Variants in KALRN observed in about 807,000 individuals in gnomAD.
KALRN encodes the protein kalirin RhoGEF kinase.
Under a neutral mutation model 353.7 loss-of-function variants are expected in KALRN, and 70 were observed. The ratio of observed to expected loss-of-function variants is 0.20; its 90% CI spans 0.16 to 0.24. KALRN has a LOEUF of 0.24. KALRN is among the 10% of genes least tolerant of loss of function. The pLI, the probability that KALRN is intolerant of heterozygous loss-of-function variation, is 1.00. For missense variants in KALRN, 2,791 were observed against 3,756.7 expected (o/e 0.74, Z 6.72); for synonymous variants, 1,391 against 1,434.8 (o/e 0.97, Z 0.69).
At chr3:124,336,856 A>AT (rs1176801690) in intron 9 of KALRN, among the ~76,000 whole-genome samples, 1 of 152,128 alleles carries the variant, frequency 6.6e-6, no homozygotes, top group Non-Finnish European at 1.5e-5. Flanking sequence ...GGTCCTTCAC[A>AT]TCCCTTGTAG....
chr3:124,194,399 A>G (rs1215717731), intron 1 of KALRN, among the ~76,000 whole-genome samples: 1 of 151,864 alleles, frequency 6.6e-6, no homozygotes, highest in African/African-American at 2.4e-5. Context: ...TGGCTCTGTC[A>G]TCTTTACTAG....
chr3:124,185,859 C>T (rs377226700), intron 1 of KALRN, among the ~76,000 whole-genome samples: 17 of 152,302 alleles, frequency 1.1e-4, no homozygotes, highest in African/African-American at 4.1e-4. Context: ...GTCAAGGCCA[C>T]TGGTATACTT....
chr3:124,316,297 C>G (rs1003793648), intron 6 of KALRN, among the ~76,000 whole-genome samples: 6 of 152,176 alleles, frequency 3.9e-5, no homozygotes, highest in African/African-American at 1.4e-4. Flanking sequence ...CCCCAGCAGT[C>G]CATTCTCGAC....
At chr3:124,146,874 C>CAAAAAAAAAAAA (rs34633708) in intron 1 of KALRN, among the ~76,000 whole-genome samples, 11 of 49,908 alleles carry the variant, frequency 2.2e-4, no homozygotes, top group African/African-American at 7.1e-4. Context: ...GACTCTGTCT[C>CAAAAAAAAAAAA]AAAAAAAAAA....
intron 14 of KALRN, among the ~76,000 whole-genome samples, chr3:124,417,074 ATAGAG>A (rs1161467967): frequency 4.6e-5 from 7 of 152,230 alleles, no homozygotes; most frequent in Admixed American, 2.6e-4. Flanking sequence ...AGGCTCAGGA[ATAGAG>A]TAAACAGGAG....
intron 45 of KALRN, among the ~76,000 whole-genome samples, chr3:124,664,708 C>A (rs1488578301): frequency 6.6e-6 from 1 of 152,172 alleles, no homozygotes; most frequent in Non-Finnish European, 1.5e-5. Flanking sequence ...TGCACCCAGC[C>A]CAGAATCAAG....
At chr3:124,634,467 G>A (rs961890537) in intron 36 of KALRN, among the ~76,000 whole-genome samples, 45 of 152,236 alleles carry the variant, frequency 3.0e-4, no homozygotes, top group African/African-American at 8.0e-4. Context: ...CTTAATATGC[G>A]AAATTGCCTG....
intron 17 of KALRN, among the ~76,000 whole-genome samples, chr3:124,434,993 C>T (rs993468954): frequency 3.3e-5 from 5 of 152,212 alleles, no homozygotes; most frequent in African/African-American, 1.2e-4. Flanking sequence ...CTCTTGTCCT[C>T]CTTGACCTGA....
At chr3:124,512,079 A>G (rs1247098623) in intron 33 of KALRN, among the ~76,000 whole-genome samples, 2 of 152,216 alleles carry the variant, frequency 1.3e-5, no homozygotes, top group African/African-American at 4.8e-5. Context: ...TTTTATGTAT[A>G]TATCTCTGGT....
intron 6 of KALRN, among the ~76,000 whole-genome samples, chr3:124,310,453 G>A (rs933966715): frequency 2.6e-5 from 4 of 152,086 alleles, no homozygotes; most frequent in Admixed American, 6.6e-5. Flanking sequence ...ATGCAGAATA[G>A]CCAAAATAAT....
At chr3:124,575,922 T>TAACATCC (rs1479075493) in intron 34 of KALRN, among the ~76,000 whole-genome samples, 1 of 152,126 alleles carries the variant, frequency 6.6e-6, no homozygotes, top group Non-Finnish European at 1.5e-5. Context: ...TATTTATAGG[T>TAACATCC]TCTGGAGAGG....
chr3:124,164,075 T>G (rs2070431366), intron 1 of KALRN: 1 of 673,468 alleles, frequency 1.5e-6, no homozygotes, highest in Non-Finnish European at 1.8e-6. Context: ...TGCATCCAGA[T>G]TGGACAGTGA....
intron 1 of KALRN, among the ~76,000 whole-genome samples, chr3:124,075,659 C>T (rs2060224570): frequency 6.6e-6 from 1 of 152,148 alleles, no homozygotes; most frequent in Admixed American, 6.5e-5. Flanking sequence ...GGCTTCACCC[C>T]ATCTATCCTG....
At chr3:124,646,993 T>C (rs1284249225) in intron 37 of KALRN, among the ~76,000 whole-genome samples, 2 of 152,174 alleles carry the variant, frequency 1.3e-5, no homozygotes, top group Non-Finnish European at 2.9e-5. Flanking sequence ...AATCAAAACA[T>C]GCTATTTCCC....
intron 34 of KALRN, among the ~76,000 whole-genome samples, chr3:124,570,870 C>T (rs1198754550): frequency 6.6e-6 from 1 of 152,176 alleles, no homozygotes; most frequent in African/African-American, 2.4e-5. Context: ...TGTTCTAGCT[C>T]ACTCTCTTTC....
chr3:124,664,218 A>G (rs1024591282), intron 45 of KALRN, among the ~76,000 whole-genome samples: 1 of 152,118 alleles, frequency 6.6e-6, no homozygotes, highest in African/African-American at 2.4e-5. Context: ...TTTTCTGAAC[A>G]GGAGTCTAAC....
At chr3:124,372,692 C>T (rs62262858) in intron 10 of KALRN, among the ~76,000 whole-genome samples, 1 of 151,952 alleles carries the variant, frequency 6.6e-6, no homozygotes, top group Non-Finnish European at 1.5e-5. Flanking sequence ...TACTCTATCA[C>T]GTGTTATCAC....
chr3:124,609,202 A>T (rs2077668025), intron 34 of KALRN, among the ~76,000 whole-genome samples: 1 of 150,942 alleles, frequency 6.6e-6, no homozygotes, highest in South Asian at 2.1e-4. Flanking sequence ...TTTTTCCTCA[A>T]TTTTTTTTTT....
At chr3:124,118,121 G>A (rs1450386000) in intron 1 of KALRN, among the ~76,000 whole-genome samples, 2 of 152,198 alleles carry the variant, frequency 1.3e-5, no homozygotes, top group Non-Finnish European at 2.9e-5. Context: ...GCAGAGGAGA[G>A]TGCCTTCCCT....
Sources: allele counts gnomAD v4.1 joint callset (sites outside exome capture counted in the v4.1 genomes callset), GRCh38; gene constraint gnomAD v4.1.1; transcripts MANE v1.5; gene names NCBI Gene and HGNC (gene_info 2026-07-23, HGNC 2026-07-21).